Variants in CPNE4 observed in about 807,000 individuals in gnomAD.
CPNE4 encodes copine-4.
Under a neutral mutation model 67.9 loss-of-function variants are expected in CPNE4, and 25 were observed. That is an observed-to-expected ratio of 0.37 (90% CI 0.27 to 0.51). The LOEUF (loss-of-function observed/expected upper bound fraction) is 0.51. Ranked by LOEUF, CPNE4 falls within the 20% of genes least tolerant of loss-of-function variation. CPNE4 has a pLI of 0.93. For synonymous variants in CPNE4, 242 were observed against 244.9 expected (o/e 0.99, Z 0.11); for missense variants, 464 against 690.8 (o/e 0.67, Z 3.68).
At chr3:131,605,217 C>T (rs954168048) in intron 7 of CPNE4, among the ~76,000 whole-genome samples, 1 of 152,118 alleles carries the variant, frequency 6.6e-6, no homozygotes, top group Non-Finnish European at 1.5e-5. Flanking sequence ...ATGTAACTTT[C>T]TGTGCACTGA....
At chr3:131,769,872 CT>C (rs1478988977) in intron 2 of CPNE4, among the ~76,000 whole-genome samples, 1 of 152,050 alleles carries the variant, frequency 6.6e-6, no homozygotes, top group Non-Finnish European at 1.5e-5. Flanking sequence ...AAGAACATAA[CT>C]TATTTTCTCT....
chr3:131,764,793 T>C (rs1237229516), intron 2 of CPNE4, among the ~76,000 whole-genome samples: 1 of 152,014 alleles, frequency 6.6e-6, no homozygotes, highest in African/African-American at 2.4e-5. Context: ...ACCCTAAGAG[T>C]CTGGACAGGC....
At chr3:131,933,309 G>A (rs2071125868) in intron 1 of CPNE4, among the ~76,000 whole-genome samples, 1 of 152,142 alleles carries the variant, frequency 6.6e-6, no homozygotes, top group African/African-American at 2.4e-5. Context: ...TGAAGCAGTG[G>A]CAAAGGAAAA....
intron 1 of CPNE4, among the ~76,000 whole-genome samples, chr3:131,934,717 G>C (rs1457393023): frequency 3.9e-5 from 6 of 152,112 alleles, no homozygotes; most frequent in Non-Finnish European, 8.8e-5. Context: ...ACATGACAGG[G>C]ATACAGGCTC....
intron 10 of CPNE4, among the ~76,000 whole-genome samples, chr3:131,574,783 C>T (rs1326043995): frequency 6.6e-6 from 1 of 152,080 alleles, no homozygotes; most frequent in African/African-American, 2.4e-5. Flanking sequence ...TGCTTCATGC[C>T]TCACATAGTT....
At chr3:131,705,291 A>C (rs72985805) in intron 3 of CPNE4, among the ~76,000 whole-genome samples, 5,888 of 152,244 alleles carry the variant, frequency 0.039, 139 homozygotes, top group East Asian at 0.1. Context: ...CTTGTTAGAA[A>C]TGCAGAATCT....
At chr3:131,863,396 C>A (rs1050134620) in intron 2 of CPNE4, among the ~76,000 whole-genome samples, 8 of 152,260 alleles carry the variant, frequency 5.3e-5, no homozygotes, top group South Asian at 4.2e-4. Context: ...TTAATGATCG[C>A]CATTCTAACT....
chr3:131,692,022 T>C (rs1214952153), intron 5 of CPNE4, among the ~76,000 whole-genome samples: 1 of 152,120 alleles, frequency 6.6e-6, no homozygotes, highest in Non-Finnish European at 1.5e-5. Flanking sequence ...AATAGGGCAT[T>C]TTACTGAAGT....
chr3:131,906,209 T>TTTG (rs1553801846), intron 1 of CPNE4, among the ~76,000 whole-genome samples: 1 of 112,090 alleles, frequency 8.9e-6, no homozygotes, highest in Non-Finnish European at 2.0e-5. Flanking sequence ...TTTGTTTTTT[T>TTTG]TTGTTGTTGT....
At chr3:131,972,817 T>C (rs2107620233) in intron 1 of CPNE4, among the ~76,000 whole-genome samples, 1 of 152,264 alleles carries the variant, frequency 6.6e-6, no homozygotes, top group East Asian at 1.9e-4. Context: ...CCTCCATAAA[T>C]GGGAAGGCTG....
At chr3:131,868,057 A>G (rs1460666715) in intron 2 of CPNE4, among the ~76,000 whole-genome samples, 1 of 152,212 alleles carries the variant, frequency 6.6e-6, no homozygotes, top group Admixed American at 6.5e-5. Flanking sequence ...AAACTGCCAA[A>G]AATACAGGAT....
At position 131,555,557 on chromosome 3, in the gene CPNE4, A is replaced by G. The variant is rs141966606; in HGVS notation, c.1062-6T>C. 98 of 1,611,890 alleles carry G rather than the reference A, an allele frequency of 6.1e-5. No homozygotes were observed. Among genetic ancestry groups the G allele is most frequent in the Admixed American group, 8.4e-5 (5 of 59,826 alleles). On this transcript the variant is annotated splice_region_variant and splice_polypyrimidine_tract_variant and intron_variant, in intron 11 of 15. Coordinates refer to ENST00000429747, the MANE Select transcript of CPNE4 (RefSeq NM_130808.3). ...AGGCAGGGAACATTTTGTCACTGAAACCAAAATGAAGAAAAGAAAAAACAA... is the reference window on the plus strand; with the variant it reads ...AGGCAGGGAACATTTTGTCACTGAAGCCAAAATGAAGAAAAGAAAAAACAA...
At chr3:131,951,875 C>T (rs2071737553) in intron 1 of CPNE4, among the ~76,000 whole-genome samples, 1 of 152,226 alleles carries the variant, frequency 6.6e-6, no homozygotes, top group African/African-American at 2.4e-5. Flanking sequence ...GTCAATGGTG[C>T]CCAGGCTGGA....
At chr3:131,593,606 A>G (rs1938666981) in intron 7 of CPNE4, among the ~76,000 whole-genome samples, 1 of 152,172 alleles carries the variant, frequency 6.6e-6, no homozygotes, top group African/African-American at 2.4e-5. Flanking sequence ...GGATTATATC[A>G]TTTGTAAACA....
chr3:131,686,124 C>T (rs2080882850), intron 5 of CPNE4, among the ~76,000 whole-genome samples, 166 bp from the exon 6 acceptor site: 1 of 152,172 alleles, frequency 6.6e-6, no homozygotes, highest in Admixed American at 6.5e-5. Context: ...TACTCAAACT[C>T]TCTTCTCTTT....
In CPNE4 at chr3:131,998,653, C is replaced by T. The variant is rs144370702; in HGVS notation, c.-2+35914G>A. ...TTTCTGACCCACTGAGAAACTGTTC[C>T]TATTTATTCATCTCTCAAATTCATA... On this transcript the variant is annotated intron_variant, in intron 1 of 15. Transcript: ENST00000429747. Among the ~76,000 whole-genome samples, 1,029 of 152,128 alleles carry T rather than the reference C, an allele frequency of 6.8e-3. 6 individuals carry two copies. Among genetic ancestry groups the T allele is most frequent in the South Asian group, 0.034 (164 of 4,810 alleles).
At chr3:131,821,119 TTACAGGATC>T (rs2084944629) in intron 2 of CPNE4, among the ~76,000 whole-genome samples, 1 of 152,184 alleles carries the variant, frequency 6.6e-6, no homozygotes, top group Non-Finnish European at 1.5e-5. Context: ...GGAGGTTGGC[TTACAGGATC>T]TCCAGAGCCC....
chr3:131,815,803 A>G (rs1301403554), intron 2 of CPNE4, among the ~76,000 whole-genome samples: 2 of 152,204 alleles, frequency 1.3e-5, no homozygotes, highest in Admixed American at 6.5e-5. Flanking sequence ...TCAGGAGGCA[A>G]CCAGTGACCA....
At chr3:131,651,539 A>G (rs977548075) in intron 7 of CPNE4, among the ~76,000 whole-genome samples, 1 of 152,200 alleles carries the variant, frequency 6.6e-6, no homozygotes, top group Admixed American at 6.5e-5. Flanking sequence ...GTGTGGCCTG[A>G]CAGAAGAAAC....
Sources: allele counts gnomAD v4.1 joint callset (sites outside exome capture counted in the v4.1 genomes callset), GRCh38; gene constraint gnomAD v4.1.1; transcripts MANE v1.5; gene names NCBI Gene and HGNC (gene_info 2026-07-23, HGNC 2026-07-21).